Variants in CCDC102B observed in about 807,000 individuals in gnomAD.
CCDC102B encodes coiled-coil domain containing 102B, also known as coiled-coil domain-containing protein 102B.
CCDC102B carries 75 observed loss-of-function variants against 57.4 expected under a neutral mutation model. The observed-to-expected ratio is 1.31, with a 90% CI of 1.08 to 1.58. The LOEUF is 1.58. Among genes scored for constraint, CCDC102B ranks in the 40% most tolerant of loss-of-function variants. CCDC102B has a pLI of 0.00. For synonymous variants in CCDC102B, 206 were observed against 201.9 expected, an observed-to-expected ratio of 1.02 and a Z score of -0.17; for missense variants, 636 against 582.6, an observed-to-expected ratio of 1.09 and a Z score of -0.94.
At chr18:68,928,042 T>A (rs2041536861) in intron 6 of CCDC102B, among the ~76,000 whole-genome samples, 1 of 151,894 alleles carries the variant, frequency 6.6e-6, no homozygotes, top group East Asian at 1.9e-4. Flanking sequence ...TTGGACTCCA[T>A]CTGTTAGAGG....
At chr18:68,817,324 A>G (rs1286288951) in intron 1 of CCDC102B, among the ~76,000 whole-genome samples, 2 of 152,236 alleles carry the variant, frequency 1.3e-5, no homozygotes, top group Non-Finnish European at 2.9e-5. Context: ...TAGGTTGCCA[A>G]AGAGTGTTCA....
At chr18:68,995,890 A>G (rs1034023451) in intron 6 of CCDC102B, among the ~76,000 whole-genome samples, 1 of 152,252 alleles carries the variant, frequency 6.6e-6, no homozygotes, top group Non-Finnish European at 1.5e-5. Flanking sequence ...CCAGCCCATG[A>G]AAGCAGCCGC....
intron 2 of CCDC102B, among the ~76,000 whole-genome samples, chr18:68,720,340 ATTGT>A (rs2032256240): frequency 6.6e-6 from 1 of 152,312 alleles, no homozygotes; most frequent in East Asian, 1.9e-4. Context: ...TATTTGCTAC[ATTGT>A]TTATTTATTA....
chr18:68,803,594 G>C (rs911181664), intron 1 of CCDC102B, among the ~76,000 whole-genome samples: 3 of 152,196 alleles, frequency 2.0e-5, no homozygotes, highest in African/African-American at 4.8e-5. Flanking sequence ...GGAATGGCCA[G>C]ATGGCCGGCA....
chr18:68,989,859 C>T (rs1161286604), intron 6 of CCDC102B, among the ~76,000 whole-genome samples: 2 of 152,202 alleles, frequency 1.3e-5, no homozygotes, highest in Non-Finnish European at 2.9e-5. Flanking sequence ...TAGCCACTAA[C>T]CGCTCCGCTA....
intron 6 of CCDC102B, among the ~76,000 whole-genome samples, chr18:68,920,078 G>T (rs1176020785): frequency 6.6e-6 from 1 of 152,042 alleles, no homozygotes; most frequent in African/African-American, 2.4e-5. Context: ...ATTGCACCTT[G>T]TACCCATTAG....
At chr18:68,886,977 C>T (rs557112803) in intron 5 of CCDC102B, among the ~76,000 whole-genome samples, 6 of 146,380 alleles carry the variant, frequency 4.1e-5, no homozygotes, top group Non-Finnish European at 7.7e-5. Flanking sequence ...ATGAGGCAAT[C>T]CCATAATCCT....
intron 6 of CCDC102B, among the ~76,000 whole-genome samples, chr18:68,961,901 C>T (rs1599759121): frequency 6.6e-6 from 1 of 152,112 alleles, no homozygotes; most frequent in Non-Finnish European, 1.5e-5. Flanking sequence ...CTGTGGGACT[C>T]TGCAAATTTA....
intron 5 of CCDC102B, among the ~76,000 whole-genome samples, chr18:68,896,302 A>C (rs2040239360): frequency 1.3e-5 from 2 of 152,106 alleles, no homozygotes; most frequent in Admixed American, 6.6e-5. Context: ...AAACTTAAAG[A>C]CATTAAAATA....
At position 68,837,147 on chromosome 18, in the gene CCDC102B, G is replaced by C. The variant is rs1250809064; in HGVS notation, c.384G>C (p.Glu128Asp). 7.4e-6 allele frequency: 12 copies of C among 1,613,906 alleles called. No homozygotes were observed. Among genetic ancestry groups the C allele is most frequent in the Admixed American group, 1.7e-5 (1 of 59,984 alleles). The change falls in exon 2 of 8, where the codon GAG becomes GAC. Residue 128 changes from glutamate (E) to aspartate (D), a missense_variant. Physicochemically the swap from Glu to Asp is conservative, Grantham distance 45. Transcript: ENST00000360242. Reference sequence around the variant, plus strand: ...GAAGACAACTCAGAATAAAACTAGAGATGGCGATGAAAGAATTGAGTACAC... The same window carrying C: ...GAAGACAACTCAGAATAAAACTAGACATGGCGATGAAAGAATTGAGTACAC... ...EEGRQLRIKL[E>D]MAMKELSTLK...
intron 4 of CCDC102B, among the ~76,000 whole-genome samples, chr18:68,846,719 T>G (rs1023459140): frequency 2.0e-5 from 3 of 151,832 alleles, no homozygotes; most frequent in African/African-American, 7.2e-5. Context: ...GATATCCATA[T>G]TGATAGTTAA....
intron 5 of CCDC102B, among the ~76,000 whole-genome samples, chr18:68,880,258 C>G (rs542475648): frequency 6.6e-6 from 1 of 152,214 alleles, no homozygotes; most frequent in African/African-American, 2.4e-5. Context: ...CCTCATTGCC[C>G]GGGGCCGGCA....
rs192072594 is a variant in CCDC102B, at chr18:68,937,755, C to T, written c.1263+40327C>T. Among the ~76,000 whole-genome samples the T allele has an allele frequency of 4.9e-3, 745 of 152,104 alleles. 3 individuals are homozygous for T. The highest frequency in any genetic ancestry group is 8.0e-3 in the Non-Finnish European group (544 of 67,964). ...CTAACGCTATCCCTCCCCTATCCCCCTACCCCACCAGCCCCCTGACAGGCC... is the reference window on the plus strand; with the variant it reads ...CTAACGCTATCCCTCCCCTATCCCCTTACCCCACCAGCCCCCTGACAGGCC... On this transcript the variant is annotated intron_variant, in intron 6 of 7. Transcript: ENST00000360242.
At chr18:69,023,264 G>C (rs940617617) in intron 7 of CCDC102B, among the ~76,000 whole-genome samples, 3 of 152,074 alleles carry the variant, frequency 2.0e-5, no homozygotes, top group African/African-American at 7.2e-5. Context: ...ATAATGATCT[G>C]TAAGATTACA....
intron 6 of CCDC102B, among the ~76,000 whole-genome samples, chr18:68,936,746 C>CATATATATAT (rs147923317): frequency 6.7e-6 from 1 of 148,872 alleles, no homozygotes; most frequent in Non-Finnish European, 1.5e-5. Context: ...GGACAACTTT[C>CATATATATAT]ATATATATAT....
intron 6 of CCDC102B, among the ~76,000 whole-genome samples, chr18:68,967,351 C>G (rs1382257277): frequency 6.6e-6 from 1 of 152,076 alleles, no homozygotes; most frequent in Non-Finnish European, 1.5e-5. Context: ...ACTTGGTGCT[C>G]AAATCCTGAT....
At chr18:68,899,479 A>G (rs1599656204) in intron 6 of CCDC102B, among the ~76,000 whole-genome samples, 2 of 152,194 alleles carry the variant, frequency 1.3e-5, no homozygotes, top group South Asian at 2.1e-4. Flanking sequence ...CTATATATGT[A>G]CAGAAATTCC....
chr18:69,002,344 G>A (rs1045972071), intron 6 of CCDC102B, among the ~76,000 whole-genome samples: 2 of 152,176 alleles, frequency 1.3e-5, no homozygotes, highest in African/African-American at 4.8e-5. Context: ...CTCTTCAGCT[G>A]CCTAAAGATG....
chr18:69,051,446 A>G (rs2052702824), intron 7 of CCDC102B, among the ~76,000 whole-genome samples: 1 of 152,050 alleles, frequency 6.6e-6, no homozygotes, highest in Non-Finnish European at 1.5e-5. Context: ...AAATACTGAA[A>G]TAATGTCAAA....
Sources: allele counts gnomAD v4.1 joint callset (sites outside exome capture counted in the v4.1 genomes callset), GRCh38; gene constraint gnomAD v4.1.1; transcripts MANE v1.5; gene names NCBI Gene and HGNC (gene_info 2026-07-23, HGNC 2026-07-21).